Variants in PCDHGB5 observed in about 807,000 individuals in gnomAD.
The protein encoded by PCDHGB5 is protocadherin gamma-B5.
PCDHGB5 carries 48 observed loss-of-function variants against 62.9 expected under a neutral mutation model. That is an observed-to-expected ratio of 0.76 (90% CI 0.61 to 0.97). The LOEUF is 0.97. Among genes scored for constraint, PCDHGB5 ranks in the 50% least tolerant of loss-of-function variants. The probability of loss-of-function intolerance (pLI) is 0.00; values close to 1 mark genes in which losing one functional copy is unlikely to be tolerated. For synonymous variants in PCDHGB5, 474 were observed against 511.2 expected, an observed-to-expected ratio of 0.93 and a Z score of 0.98; for missense variants, 1,118 against 1,198.6, an observed-to-expected ratio of 0.93 and a Z score of 0.99.
chr5:141,408,448 G>A, intron 1 of PCDHGB5: 4 of 1,614,054 alleles, frequency 2.5e-6, no homozygotes, highest in Non-Finnish European at 2.5e-6. Context: ...CGGAGAGCGG[G>A]GACTTACTTG....
intron 1 of PCDHGB5, chr5:141,419,680 C>T (rs757026598): frequency 9.3e-6 from 15 of 1,612,946 alleles, no homozygotes; most frequent in Non-Finnish European, 1.3e-5. Flanking sequence ...TGTCCTACCA[C>T]GTGGTGCAGG....
At chr5:141,415,611 A>G in intron 1 of PCDHGB5, 1 of 1,613,152 alleles carries the variant, frequency 6.2e-7, no homozygotes, top group Non-Finnish European at 8.5e-7. Context: ...CATTGGTTCC[A>G]GTGAGTTTTA....
intron 1 of PCDHGB5, among the ~76,000 whole-genome samples, chr5:141,401,931 A>C: frequency 6.6e-6 from 1 of 152,352 alleles, no homozygotes; most frequent in Middle Eastern, 3.4e-3. Context: ...GATGCTTAGA[A>C]TAATGTTTAA....
rs556656447 is a variant in PCDHGB5 at position 141,500,319 on chromosome 5, C to CT, written c.2457-5073dup. Among the ~76,000 whole-genome samples the CT allele has an allele frequency of 2.6e-5, 4 of 152,122 alleles. No homozygotes were observed. The South Asian group carries it at 8.3e-4, about 32-fold the overall frequency. Reference sequence around the variant, plus strand: ...CGCCTCCCAGGTTCACGCCATGCTCCTGCCTCAGCCTCCAGAATAGCTGGG... The same window carrying CT: ...CGCCTCCCAGGTTCACGCCATGCTCCTTGCCTCAGCCTCCAGAATAGCTGGG... On this transcript the variant is annotated intron_variant, in intron 2 of 3. Coordinates refer to ENST00000617380, the MANE Select transcript of PCDHGB5 (RefSeq NM_018925.3).
At chr5:141,449,369 G>A (rs561017816) in intron 1 of PCDHGB5, among the ~76,000 whole-genome samples, 4 of 152,068 alleles carry the variant, frequency 2.6e-5, no homozygotes, top group South Asian at 4.2e-4. Flanking sequence ...CACTTTGGGA[G>A]GCTGAGGCAG....
chr5:141,457,694 C>T (rs891323419), intron 1 of PCDHGB5, among the ~76,000 whole-genome samples: 4 of 152,214 alleles, frequency 2.6e-5, no homozygotes, highest in Non-Finnish European at 5.9e-5. Context: ...TTTGGATTGG[C>T]TTTGATGAAA....
chr5:141,433,592 T>C (rs1043652093), intron 1 of PCDHGB5, among the ~76,000 whole-genome samples: 5 of 152,020 alleles, frequency 3.3e-5, no homozygotes, highest in Non-Finnish European at 7.4e-5. Context: ...TCCCAGTACT[T>C]TGGGAGGCCG....
intron 1 of PCDHGB5, chr5:141,411,158 A>T (rs1384845652): frequency 6.6e-6 from 1 of 152,212 alleles, no homozygotes; most frequent in Admixed American, 6.5e-5. Context: ...TCAAGTTCTG[A>T]CTATCGAACA....
At chr5:141,494,889 A>G (rs2099757275) in intron 2 of PCDHGB5, 24 bp downstream of exon 2, 1 of 1,613,844 alleles carries the variant, frequency 6.2e-7, no homozygotes, top group Admixed American at 1.7e-5. Context: ...TCTCCAGCCC[A>G]CCCTCTTCTC....
At chr5:141,510,334 C>G (rs1463634534) in intron 3 of PCDHGB5, among the ~76,000 whole-genome samples, 1 of 151,448 alleles carries the variant, frequency 6.6e-6, no homozygotes, top group African/African-American at 2.4e-5. Context: ...TCTTCACCCC[C>G]ACCCCACACA....
Position 141,486,632 on chromosome 5 carries a change from A to G in PCDHGB5, c.2398-8175A>G, listed in dbSNP as rs1304397413. The G allele has an allele frequency of 6.2e-7, 1 of 1,613,580 alleles. No individual in the cohort carries two copies. Among genetic ancestry groups the G allele is most frequent in the Non-Finnish European group, 8.5e-7 (1 of 1,180,040 alleles). ...AGCCTCTGACCCAGACTCTGGCTTG[A>G]ATGCGCTTATCTCCTACTCACTCCT... On this transcript the variant is annotated intron_variant, in intron 1 of 3. Coordinates refer to ENST00000617380, the MANE Select transcript of PCDHGB5 (RefSeq NM_018925.3). This position sits in a 1 kb window ranked among gnomAD's most constrained non-coding sequence, Gnocchi z 5.0.
rs1306500688 is a variant in PCDHGB5 at position 141,491,142 on chromosome 5, A to T, written c.2398-3665A>T. ...GTGAGGTGCGCACAGCCCGGGCCTTACTGGAGGATGACTCTGACACCCAGC... is the reference window on the plus strand; with the variant it reads ...GTGAGGTGCGCACAGCCCGGGCCTTTCTGGAGGATGACTCTGACACCCAGC... On this transcript the variant is annotated intron_variant, in intron 1 of 3. Coordinates refer to ENST00000617380, the MANE Select transcript of PCDHGB5 (RefSeq NM_018925.3). This position sits in a 1 kb window ranked among gnomAD's most constrained non-coding sequence, Gnocchi z 6.9. 6.2e-7 allele frequency: 1 copy of T among 1,614,090 alleles called. No homozygotes were observed. Among genetic ancestry groups the T allele is most frequent in the Non-Finnish European group, 8.5e-7 (1 of 1,179,976 alleles).
At position 141,432,579 on chromosome 5, in the gene PCDHGB5, G is replaced by A. The variant is rs769224543; in HGVS notation, c.2397+32055G>A. 6.2e-7 allele frequency: 1 copy of A among 1,613,860 alleles called. No homozygotes were observed. Among genetic ancestry groups the A allele is most frequent in the Non-Finnish European group, 8.5e-7 (1 of 1,179,984 alleles). On this transcript the variant is annotated intron_variant, in intron 1 of 3. Transcript: ENST00000617380. The surrounding 1 kb of genome is among the most constrained non-coding windows in gnomAD (Gnocchi z 6.0). ...GGCCAGAACGCCTGGCTGTCCTACC[G>A]TCTGCTCAAGGCCAGCGAGCCGGGA...
At chr5:141,504,959 T>C (rs1297800554) in intron 2 of PCDHGB5, among the ~76,000 whole-genome samples, 2 of 152,038 alleles carry the variant, frequency 1.3e-5, no homozygotes, top group Non-Finnish European at 2.9e-5. Flanking sequence ...GTTCAATGCA[T>C]TGGACCAGCC....
At chr5:141,459,693 C>A (rs1014443574) in intron 1 of PCDHGB5, among the ~76,000 whole-genome samples, 1 of 152,210 alleles carries the variant, frequency 6.6e-6, no homozygotes, top group African/African-American at 2.4e-5. Flanking sequence ...AAGCGTTCCG[C>A]TTGCTACATT....
At position 141,403,374 on chromosome 5, in the gene PCDHGB5, A is replaced by G. The variant is rs1448394920; in HGVS notation, c.2397+2850A>G. 3.1e-6 allele frequency: 5 copies of G among 1,613,936 alleles called. No individual in the cohort carries two copies. The African/African-American group carries it at 6.7e-5, about 22-fold the overall frequency. ...TTCCAGGCCGAAAGTCTGGAAGTAA[A>G]AATTAACGAAATCGCGGTTCCTGGA... On this transcript the variant is annotated intron_variant, in intron 1 of 3. Transcript: ENST00000617380.
rs2093705548 is a variant in PCDHGB5 at position 141,398,799 on chromosome 5, C to T, written c.672C>T (p.Gly224=). 3 of 1,613,848 alleles carry T rather than the reference C, an allele frequency of 1.9e-6. No homozygotes were observed. The highest frequency in any genetic ancestry group is 2.2e-5 in the East Asian group (1 of 44,884). ...ACGGTGGACATCCACCCCTAAGCGG[C>T]ACCACTGAGCTCCGGATCCAGGTAA... The part of the protein sequence containing the change: ...ALDGGHPPLS[G]TTELRIQVTD... The change falls in exon 1 of 4, where the codon GGC becomes GGT. Residue 224 remains glycine (G), a synonymous_variant. Transcript: ENST00000617380.
rs147674746 is a variant in PCDHGB5, at chr5:141,477,348, C to G, written c.2398-17459C>G. 7 of 1,614,180 alleles carry G rather than the reference C, an allele frequency of 4.3e-6. No individual in the cohort carries two copies. Among genetic ancestry groups the G allele is most frequent in the Non-Finnish European group, 5.9e-6 (7 of 1,180,030 alleles). ...CTCAAGAATTACTTCACTTTGAAAA[C>G]CAGTGCAGACCTGGATCGGGAGACT... is the stretch of plus-strand genomic sequence containing the variant. On this transcript the variant is annotated intron_variant, in intron 1 of 3. Transcript: ENST00000617380. The surrounding 1 kb of genome is among the most constrained non-coding windows in gnomAD (Gnocchi z 4.9).
chr5:141,452,494 T>C (rs1186924396), intron 1 of PCDHGB5, among the ~76,000 whole-genome samples: 2 of 152,192 alleles, frequency 1.3e-5, no homozygotes, highest in African/African-American at 4.8e-5. Flanking sequence ...CACACCCATA[T>C]TTATATTTGT....
Sources: allele counts gnomAD v4.1 joint callset (sites outside exome capture counted in the v4.1 genomes callset), GRCh38; gene constraint gnomAD v4.1.1; non-coding constraint Gnocchi (gnomAD v3.1); transcripts MANE v1.5; gene names NCBI Gene and HGNC (gene_info 2026-07-23, HGNC 2026-07-21).